FHIT: variants seen among roughly 807,000 people sequenced by gnomAD.
The protein encoded by FHIT is bis(5'-adenosyl)-triphosphatase.
Under a neutral mutation model 17.9 loss-of-function variants are expected in FHIT, and 19 were observed. The ratio of observed to expected loss-of-function variants is 1.06; its 90% confidence interval spans 0.74 to 1.56. The LOEUF (loss-of-function observed/expected upper bound fraction) is 1.56. Ranked by LOEUF, FHIT falls within the 40% of genes most tolerant of loss-of-function variation. FHIT has a pLI of 0.00. For missense variants in FHIT, 248 were observed against 189.2 expected, an observed-to-expected ratio of 1.31 and a Z score of -1.82; for synonymous variants, 81 against 69.7, an observed-to-expected ratio of 1.16 and a Z score of -0.81.
chr3:60,609,113 C>T (rs1250871564), intron 4 of FHIT, among the ~76,000 whole-genome samples: 1 of 151,950 alleles, frequency 6.6e-6, no homozygotes, highest in East Asian at 1.9e-4. Context: ...CATTTTCATG[C>T]CACTTTGGGG....
intron 5 of FHIT, among the ~76,000 whole-genome samples, chr3:60,205,822 C>G (rs996663298): frequency 4.6e-5 from 7 of 151,730 alleles, no homozygotes; most frequent in African/African-American, 1.7e-4. Context: ...AAAAATAACA[C>G]TTAAGGCTGG....
intron 3 of FHIT, among the ~76,000 whole-genome samples, chr3:61,014,939 T>C (rs1236411938): frequency 1.3e-5 from 2 of 150,578 alleles, no homozygotes; most frequent in African/African-American, 4.9e-5. Flanking sequence ...TCCATATATA[T>C]GACATTTTAA....
At chr3:60,305,657 T>A (rs964345912) in intron 5 of FHIT, among the ~76,000 whole-genome samples, 2 of 152,118 alleles carry the variant, frequency 1.3e-5, no homozygotes, top group South Asian at 4.1e-4. Context: ...TGCCAAGAGC[T>A]TGGGTACAGA....
intron 8 of FHIT, among the ~76,000 whole-genome samples, chr3:59,920,845 C>T (rs923077297): frequency 1.4e-4 from 22 of 152,138 alleles, no homozygotes; most frequent in Non-Finnish European, 2.2e-4. Flanking sequence ...CCACATCCAA[C>T]GAAAATGAGT....
chr3:60,372,575 A>C (rs1201011724), intron 5 of FHIT, among the ~76,000 whole-genome samples: 3 of 152,206 alleles, frequency 2.0e-5, no homozygotes, highest in Admixed American at 2.0e-4. Flanking sequence ...AAGAGTCATG[A>C]GTACAAGTTC....
At chr3:60,208,348 G>A (rs909119417) in intron 5 of FHIT, among the ~76,000 whole-genome samples, 82 of 151,794 alleles carry the variant, frequency 5.4e-4, no homozygotes, top group African/African-American at 1.9e-3. Flanking sequence ...ATCAGAGGTA[G>A]GCAAAGTGTA....
At chr3:60,135,043 C>T (rs1277324673) in intron 5 of FHIT, among the ~76,000 whole-genome samples, 1 of 152,036 alleles carries the variant, frequency 6.6e-6, no homozygotes, top group Non-Finnish European at 1.5e-5. Context: ...GAGTGAATAT[C>T]TAGCTGAGAA....
At chr3:60,636,968 G>C (rs569269184) in intron 4 of FHIT, among the ~76,000 whole-genome samples, 1 of 152,126 alleles carries the variant, frequency 6.6e-6, no homozygotes, top group African/African-American at 2.4e-5. Flanking sequence ...TCATGGTGGG[G>C]GCTGGTGGGG....
At chr3:60,338,302 A>C (rs1710342131) in intron 5 of FHIT, among the ~76,000 whole-genome samples, 1 of 152,208 alleles carries the variant, frequency 6.6e-6, no homozygotes, top group Non-Finnish European at 1.5e-5. Context: ...GATTTTTCAC[A>C]ATCATCTATA....
intron 4 of FHIT, among the ~76,000 whole-genome samples, chr3:60,595,374 C>CTTT (rs34376484): frequency 1.4e-5 from 2 of 145,080 alleles, no homozygotes; most frequent in African/African-American, 5.1e-5. Flanking sequence ...CCATGTTAGT[C>CTTT]TTTTTTTTTT....
At chr3:60,398,736 T>C (rs575373496) in intron 5 of FHIT, among the ~76,000 whole-genome samples, 1 of 152,242 alleles carries the variant, frequency 6.6e-6, no homozygotes, top group Non-Finnish European at 1.5e-5. Context: ...AATCCAAATT[T>C]TGTGGAAGGA....
At chr3:60,134,347 C>T (rs1190881616) in intron 5 of FHIT, among the ~76,000 whole-genome samples, 1 of 152,120 alleles carries the variant, frequency 6.6e-6, no homozygotes, top group African/African-American at 2.4e-5. Flanking sequence ...TCCAATGGGG[C>T]AGGTTTTTAT....
chr3:60,605,403 C>T (rs2038577917), intron 4 of FHIT, among the ~76,000 whole-genome samples: 1 of 152,164 alleles, frequency 6.6e-6, no homozygotes. Context: ...AAGGTTCCAC[C>T]TGACAGATAC....
chr3:59,970,238 C>T (rs1708113756), intron 7 of FHIT, among the ~76,000 whole-genome samples: 1 of 152,042 alleles, frequency 6.6e-6, no homozygotes, highest in South Asian at 2.1e-4. Flanking sequence ...GAATTTAGGT[C>T]TTTAAGGGGG....
intron 4 of FHIT, among the ~76,000 whole-genome samples, chr3:60,768,531 G>A (rs374558983): frequency 5.5e-4 from 84 of 152,304 alleles, no homozygotes; most frequent in African/African-American, 1.9e-3. Flanking sequence ...ACCAGTTCTG[G>A]CCACTGCCAC....
At chr3:60,378,579 CAAT>C (rs1203138484) in intron 5 of FHIT, among the ~76,000 whole-genome samples, 13 of 152,132 alleles carry the variant, frequency 8.5e-5, no homozygotes. Flanking sequence ...TATCATTTAG[CAAT>C]AATTTAAGGA....
At chr3:60,427,800 C>G (rs941718996) in intron 5 of FHIT, among the ~76,000 whole-genome samples, 1 of 152,110 alleles carries the variant, frequency 6.6e-6, no homozygotes, top group African/African-American at 2.4e-5. Flanking sequence ...GTGGGCACTA[C>G]CAAACTCCTC....
chr3:60,231,237 GTACACA>G (rs1210714921), intron 5 of FHIT, among the ~76,000 whole-genome samples: 91 of 152,176 alleles, frequency 6.0e-4, no homozygotes, highest in Non-Finnish European at 1.3e-4. Flanking sequence ...GTGTGTATAT[GTACACA>G]TACACATACA....
At chr3:60,345,969 G>A (rs181402045) in intron 5 of FHIT, among the ~76,000 whole-genome samples, 4 of 152,250 alleles carry the variant, frequency 2.6e-5, no homozygotes, top group East Asian at 1.9e-4. Flanking sequence ...CACAACTAAG[G>A]ATAGTTTTTC....
Sources: gnomAD v4.1 joint callset for allele counts (sites outside exome capture counted in the v4.1 genomes callset) on GRCh38, gnomAD v4.1.1 for gene constraint, MANE v1.5 for transcripts, NCBI Gene and HGNC (gene_info 2026-07-23, HGNC 2026-07-21) for gene names.